PCSK5: variants seen among roughly 807,000 people sequenced by gnomAD.
The protein encoded by PCSK5 is proprotein convertase subtilisin/kexin type 5, also known as prohormone convertase 5.
A neutral mutation model predicts 233.2 loss-of-function variants in PCSK5; 129 were observed. That is an observed-to-expected ratio of 0.55 (90% CI 0.48 to 0.64). The LOEUF is 0.64. Ranked by LOEUF, PCSK5 falls within the 30% of genes least tolerant of loss-of-function variation. The pLI is 0.00. For synonymous variants in PCSK5, 825 were observed against 879.2 expected (o/e 0.94, Z 1.09); for missense variants, 2,076 against 2,430.1 (o/e 0.85, Z 3.06).
At chr9:75,978,016 G>A (rs1826104954) in intron 2 of PCSK5, among the ~76,000 whole-genome samples, 1 of 152,124 alleles carries the variant, frequency 6.6e-6, no homozygotes, top group African/African-American at 2.4e-5. Flanking sequence ...ATTTTTACAT[G>A]TTGTTCATTG....
At chr9:76,159,786 A>T (rs1587700819) in intron 12 of PCSK5, among the ~76,000 whole-genome samples, 3 of 127,212 alleles carry the variant, frequency 2.4e-5, no homozygotes, top group South Asian at 2.7e-4. Context: ...TGGTTTGCTC[A>T]CCCCTGTTTT....
intron 27 of PCSK5, among the ~76,000 whole-genome samples, chr9:76,300,118 T>C (rs1169088635): frequency 1.3e-5 from 2 of 152,162 alleles, no homozygotes; most frequent in African/African-American, 2.4e-5. Flanking sequence ...TTCTAATCCT[T>C]GGGGAAAGAC....
intron 30 of PCSK5, among the ~76,000 whole-genome samples, chr9:76,318,488 A>G (rs10869750): frequency 0.013 from 1,922 of 152,246 alleles, 55 homozygotes; most frequent in African/African-American, 0.044. Context: ...AAAAAAGAAA[A>G]AAAAGAAACC....
At chr9:76,010,413 T>G (rs1453173909) in intron 3 of PCSK5, among the ~76,000 whole-genome samples, 3 of 152,136 alleles carry the variant, frequency 2.0e-5, no homozygotes, top group Admixed American at 6.5e-5. Context: ...TTAAAGGAAG[T>G]TCTGTTTTTT....
At chr9:75,963,168 C>T (rs1341765071) in intron 2 of PCSK5, among the ~76,000 whole-genome samples, 2 of 152,056 alleles carry the variant, frequency 1.3e-5, no homozygotes, top group African/African-American at 2.4e-5. Context: ...GATTGGGCCA[C>T]GGCTCACAGG....
chr9:76,203,730 A>G (rs1825003232), intron 20 of PCSK5, among the ~76,000 whole-genome samples: 1 of 152,202 alleles, frequency 6.6e-6, no homozygotes, highest in Non-Finnish European at 1.5e-5. Flanking sequence ...CAAAGTTTAT[A>G]GTAACTTGTG....
At chr9:76,106,875 A>G (rs1254355850) in intron 8 of PCSK5, among the ~76,000 whole-genome samples, 1 of 152,218 alleles carries the variant, frequency 6.6e-6, no homozygotes, top group Non-Finnish European at 1.5e-5. Flanking sequence ...GTGCTTGATT[A>G]TTTTAAAATG....
At chr9:76,082,422 CTA>C (rs1364186273) in intron 7 of PCSK5, among the ~76,000 whole-genome samples, 1 of 152,190 alleles carries the variant, frequency 6.6e-6, no homozygotes, top group Non-Finnish European at 1.5e-5. Flanking sequence ...CTGAAGTTTT[CTA>C]TGATTGATTC....
At chr9:76,301,728 C>T (rs1281628854) in intron 27 of PCSK5, among the ~76,000 whole-genome samples, 2 of 152,130 alleles carry the variant, frequency 1.3e-5, no homozygotes. Flanking sequence ...CCTATAGTCC[C>T]AGCTACTTGG....
chr9:76,126,009 A>G (rs867516290), intron 9 of PCSK5, among the ~76,000 whole-genome samples: 21 of 152,326 alleles, frequency 1.4e-4, no homozygotes, highest in Middle Eastern at 3.4e-3. Flanking sequence ...GGGATTCTGG[A>G]AAGATAGCAT....
At chr9:76,211,552 T>A (rs921009266) in intron 20 of PCSK5, among the ~76,000 whole-genome samples, 4 of 152,140 alleles carry the variant, frequency 2.6e-5, no homozygotes, top group Admixed American at 2.0e-4. Flanking sequence ...TCTCCTGACC[T>A]CAAAAGATCT....
At chr9:76,168,031 A>C (rs1232234878) in intron 12 of PCSK5, among the ~76,000 whole-genome samples, 1 of 152,224 alleles carries the variant, frequency 6.6e-6, no homozygotes, top group East Asian at 1.9e-4. Context: ...AGTTCTATAC[A>C]AAAAGGACTT....
intron 2 of PCSK5, among the ~76,000 whole-genome samples, chr9:75,956,238 C>T (rs761589812): frequency 2.0e-5 from 3 of 152,198 alleles, no homozygotes; most frequent in Non-Finnish European, 2.9e-5. Context: ...AGCATGAGCA[C>T]GTACTCTGTC....
chr9:76,192,371 G>A (rs1824434425), intron 20 of PCSK5, among the ~76,000 whole-genome samples: 2 of 152,146 alleles, frequency 1.3e-5, no homozygotes, highest in Admixed American at 1.3e-4. Flanking sequence ...CATGGCAGCT[G>A]CACTTAAGGA....
chr9:76,323,873 A>C (rs560211293), intron 32 of PCSK5, among the ~76,000 whole-genome samples: 10 of 151,986 alleles, frequency 6.6e-5, no homozygotes, highest in African/African-American at 2.4e-4. Context: ...TTGATAACAC[A>C]AGCAAATTGT....
intron 3 of PCSK5, among the ~76,000 whole-genome samples, chr9:75,992,181 G>A (rs2792218): frequency 0.27 from 41,425 of 152,056 alleles, 6,336 homozygotes; most frequent in East Asian, 0.64. Context: ...GAAGTCCCTC[G>A]TGATCTCTAT....
At chr9:76,340,969 C>T (rs867479530) in intron 35 of PCSK5, among the ~76,000 whole-genome samples, 5 of 151,552 alleles carry the variant, frequency 3.3e-5, no homozygotes, top group Non-Finnish European at 5.9e-5. Context: ...AATCCCACCA[C>T]TATGGAAGGC....
At chr9:76,088,442 G>T (rs751078088) in intron 7 of PCSK5, among the ~76,000 whole-genome samples, 1 of 152,200 alleles carries the variant, frequency 6.6e-6, no homozygotes, top group Non-Finnish European at 1.5e-5. Context: ...TAGTTCCTCT[G>T]TTTACCTTAG....
At chr9:76,181,346 G>A in intron 15 of PCSK5, 52 bp from the exon 16 acceptor site, 1 of 1,483,730 alleles carries the variant, frequency 6.7e-7, no homozygotes, top group Admixed American at 1.9e-5. Flanking sequence ...GAGAATGCTG[G>A]GGACTGGTTT....
Sources: allele counts gnomAD v4.1 joint callset (sites outside exome capture counted in the v4.1 genomes callset), GRCh38; gene constraint gnomAD v4.1.1; transcripts MANE v1.5; gene names NCBI Gene and HGNC (gene_info 2026-07-23, HGNC 2026-07-21).